SORL1-AS1: variants seen among roughly 807,000 people sequenced by gnomAD.
SORL1-AS1 encodes the protein SORL1 antisense RNA 1, also known as lncRNA 51 A.
intron 1 of SORL1-AS1, among the ~76,000 whole-genome samples, chr11:121,451,839 G>C (rs1383420171): frequency 6.6e-6 from 1 of 152,180 alleles, no homozygotes; most frequent in Non-Finnish European, 1.5e-5. Context: ...CCGGGGCCGG[G>C]GGGAGGTGGT....
At chr11:121,445,765 T>G (rs1228750728), downstream of SORL1-AS1, among the ~76,000 whole-genome samples, 1 of 152,060 alleles carries the variant, frequency 6.6e-6, no homozygotes, top group African/African-American at 2.4e-5. Flanking sequence ...TACTCATCTT[T>G]TTTCCCCCCA....
At chr11:121,443,721 T>C (rs1860690797), downstream of SORL1-AS1, among the ~76,000 whole-genome samples, 1 of 152,246 alleles carries the variant, frequency 6.6e-6, no homozygotes, top group Non-Finnish European at 1.5e-5. Flanking sequence ...ATCATGTACA[T>C]TTGAATCAGA....
At chr11:121,447,726 GCTTTGTAA>G (rs1470211668) in exon 2 of SORL1-AS1, 1 of 152,104 alleles carries the variant, frequency 6.6e-6, no homozygotes, top group Non-Finnish European at 1.5e-5. Context: ...GGACTTGTGA[GCTTTGTAA>G]CTGTAACATT....
chr11:121,442,958 G>A (rs1591536202), downstream of SORL1-AS1, among the ~76,000 whole-genome samples: 1 of 150,412 alleles, frequency 6.6e-6, no homozygotes, highest in Non-Finnish European at 1.5e-5. Flanking sequence ...GATTACAGGC[G>A]TGAGTCACCG....
downstream of SORL1-AS1, among the ~76,000 whole-genome samples, chr11:121,445,885 C>A (rs1311859089): frequency 1.3e-5 from 2 of 151,998 alleles, no homozygotes; most frequent in Non-Finnish European, 2.9e-5. Context: ...GGCATTTGAA[C>A]CTATTATTGG....
At chr11:121,445,704 C>G (rs1349436556), downstream of SORL1-AS1, among the ~76,000 whole-genome samples, 2 of 151,948 alleles carry the variant, frequency 1.3e-5, no homozygotes, top group African/African-American at 2.4e-5. Flanking sequence ...AACCACAGCT[C>G]ATAACGTCTT....
chr11:121,449,244 C>G (rs1451308778), exon 2 of SORL1-AS1: 1 of 152,202 alleles, frequency 6.6e-6, no homozygotes, highest in East Asian at 1.9e-4. Flanking sequence ...CGTCATGATG[C>G]TGGGCAGCAT....
At chr11:121,445,951 T>G (rs1194684644), downstream of SORL1-AS1, among the ~76,000 whole-genome samples, 4 of 152,204 alleles carry the variant, frequency 2.6e-5, no homozygotes. Context: ...GACCCCCTTC[T>G]TGCTCAGGCT....
At chr11:121,449,981 CA>C (rs1860769324) in intron 1 of SORL1-AS1, 1 of 152,152 alleles carries the variant, frequency 6.6e-6, no homozygotes, top group African/African-American at 2.4e-5. Flanking sequence ...ATATTCTTAC[CA>C]ATTCTCTAGC....
intron 1 of SORL1-AS1, chr11:121,449,981 C>A (rs1860769283): frequency 6.6e-6 from 1 of 152,152 alleles, no homozygotes; most frequent in Non-Finnish European, 1.5e-5. Context: ...ATATTCTTAC[C>A]AATTCTCTAG....
rs78084516 is a variant in SORL1-AS1 at position 121,450,185 on chromosome 11, G to A, written n.340-286C>T. Reference sequence around the variant, plus strand: ...CTCTGACACTTGCTCTTGCAGAGAAGGTTCTCATTAAATATATGTTGGAAA... The same window carrying A: ...CTCTGACACTTGCTCTTGCAGAGAAAGTTCTCATTAAATATATGTTGGAAA... On this transcript the variant is annotated intron_variant and non_coding_transcript_variant, in intron 1 of 1. Coordinates refer to ENST00000501964, the Ensembl canonical transcript of SORL1-AS1. This position sits in a 1 kb window ranked among gnomAD's most constrained non-coding sequence, Gnocchi z 5.2. 0.019 allele frequency among the ~76,000 whole-genome samples: 2,909 copies of A among 152,208 alleles called. 69 individuals carry two copies. Among genetic ancestry groups the A allele is most frequent in the Middle Eastern group, 0.034 (10 of 294 alleles).
the SORL1-AS1 span, among the ~76,000 whole-genome samples, chr11:121,439,472 G>C: frequency 6.6e-6 from 1 of 151,854 alleles, no homozygotes; most frequent in African/African-American, 2.4e-5. Flanking sequence ...TTCTGTTTAT[G>C]AGTCCTTTGG....
downstream of SORL1-AS1, among the ~76,000 whole-genome samples, chr11:121,445,768 TCCC>T (rs1217690991): frequency 6.6e-6 from 1 of 151,930 alleles, no homozygotes; most frequent in Non-Finnish European, 1.5e-5. Flanking sequence ...TCATCTTTTT[TCCC>T]CCCAAGACAG....
chr11:121,446,999 T>C (rs1364528852), downstream of SORL1-AS1, among the ~76,000 whole-genome samples: 2 of 152,192 alleles, frequency 1.3e-5, no homozygotes, highest in Non-Finnish European at 2.9e-5. Flanking sequence ...AGCCTTGATA[T>C]GTAATTACAC....
At chr11:121,446,194 G>A (rs1183397879), downstream of SORL1-AS1, among the ~76,000 whole-genome samples, 2 of 152,108 alleles carry the variant, frequency 1.3e-5, no homozygotes, top group African/African-American at 2.4e-5. Flanking sequence ...ACAAGACAGG[G>A]GAATAGACTC....
Position 121,452,312 on chromosome 11 carries a change from G to C in SORL1-AS1, n.339+363C>G. On this transcript the variant is annotated intron_variant and non_coding_transcript_variant, in intron 1 of 1. Coordinates refer to ENST00000501964, the Ensembl canonical transcript of SORL1-AS1. This position sits in a 1 kb window ranked among gnomAD's most constrained non-coding sequence, Gnocchi z 5.3. Reference sequence around the variant, plus strand: ...TTCTCTCCTGGCGGCGGCGCCACCTGCAGTAGCGTTCGCCCGAACATGGCG... The same window carrying C: ...TTCTCTCCTGGCGGCGGCGCCACCTCCAGTAGCGTTCGCCCGAACATGGCG... The C allele has an allele frequency of 1.3e-6, 2 of 1,512,048 alleles. No homozygotes were observed. Among genetic ancestry groups the C allele is most frequent in the Non-Finnish European group, 1.8e-6 (2 of 1,133,190 alleles). The allele number at this position is 1,512,048 out of a possible 1,614,324, so 93.7% of individuals were successfully genotyped here.
At chr11:121,439,751 T>C in the SORL1-AS1 span, among the ~76,000 whole-genome samples, 1 of 152,320 alleles carries the variant, frequency 6.6e-6, no homozygotes, top group Middle Eastern at 3.4e-3. Context: ...TTAAAGATAA[T>C]GGCTGAGTTG....
intron 1 of SORL1-AS1, among the ~76,000 whole-genome samples, chr11:121,451,326 T>C (rs1291889363): frequency 1.3e-5 from 2 of 152,218 alleles, no homozygotes; most frequent in African/African-American, 4.8e-5. Context: ...TTCAGAGAGT[T>C]TGGCTCGTCA....
At chr11:121,440,440 G>C in the SORL1-AS1 span, among the ~76,000 whole-genome samples, 2 of 152,160 alleles carry the variant, frequency 1.3e-5, no homozygotes, top group African/African-American at 4.8e-5. Flanking sequence ...CTGAGACTTT[G>C]AACTAAAGAA....
Sources: gnomAD v4.1 joint callset for allele counts (sites outside exome capture counted in the v4.1 genomes callset) on GRCh38, gnomAD v4.1.1 for gene constraint, Gnocchi (gnomAD v3.1) non-coding constraint, MANE v1.5 for transcripts, NCBI Gene and HGNC (gene_info 2026-07-23, HGNC 2026-07-21) for gene names.